Variants in JMJD1C observed in about 807,000 individuals in gnomAD.
The protein encoded by JMJD1C is jumonji domain-containing protein 1C.
JMJD1C carries 31 observed loss-of-function variants against 245.3 expected under a neutral mutation model. The observed-to-expected ratio is 0.13, with a 90% confidence interval of 0.09 to 0.17. JMJD1C has a LOEUF of 0.17. Ranked by LOEUF, JMJD1C falls within the 10% of genes least tolerant of loss-of-function variation. The pLI, the probability that JMJD1C is intolerant of heterozygous loss-of-function variation, is 1.00. For synonymous variants in JMJD1C, 1,057 were observed against 1,017.4 expected (o/e 1.04, Z -0.74); for missense variants, 2,691 against 3,000.2 (o/e 0.90, Z 2.41).
intron 1 of JMJD1C, among the ~76,000 whole-genome samples, chr10:63,461,443 G>T (rs1564944843): frequency 6.6e-6 from 1 of 152,058 alleles, no homozygotes; most frequent in Non-Finnish European, 1.5e-5. Context: ...AACTAAATAA[G>T]AAACTTAAAT....
intron 2 of JMJD1C, among the ~76,000 whole-genome samples, chr10:63,282,919 T>C (rs544066048): frequency 1.3e-5 from 2 of 152,338 alleles, no homozygotes; most frequent in South Asian, 4.1e-4. Context: ...GGTTTTACCG[T>C]GTTAGCCAAG....
At position 63,367,032 on chromosome 10, in the gene JMJD1C, A is replaced by G. The variant is rs552328827; in HGVS notation, c.333+13286T>C. On this transcript the variant is annotated intron_variant, in intron 2 of 25. Coordinates refer to ENST00000399262, the MANE Select transcript of JMJD1C (RefSeq NM_032776.3). ...TAAAGATTCATAAGACAATGGAGAA[A>G]AAGAAAGAGGAGATTCAAGAGACTA... Among the ~76,000 whole-genome samples the G allele has an allele frequency of 5.3e-5, 8 of 152,302 alleles. No individual in the cohort carries two copies. The South Asian group carries it at 1.7e-3, about 32-fold the overall frequency.
At chr10:63,194,458 A>G in intron 13 of JMJD1C, 83 bp from the exon 14 acceptor site, 1 of 930,190 alleles carries the variant, frequency 1.1e-6, no homozygotes, top group South Asian at 1.5e-5. Context: ...CGATTATATA[A>G]AATGTTTCAT....
At chr10:63,190,849 T>G (rs1844712413) in intron 17 of JMJD1C, 45 bp downstream of exon 17, 2 of 1,474,042 alleles carry the variant, frequency 1.4e-6, no homozygotes, top group African/African-American at 1.4e-5. Flanking sequence ...CCAAATCATC[T>G]CTATTTAAGG....
intron 2 of JMJD1C, among the ~76,000 whole-genome samples, chr10:63,323,531 G>A (rs1009196642): frequency 9.2e-5 from 14 of 152,038 alleles, no homozygotes; most frequent in African/African-American, 3.1e-4. Context: ...AAAAGAAAGG[G>A]GGGAAAGAAA....
At chr10:63,276,465 CAAAA>C (rs551525973) in intron 2 of JMJD1C, among the ~76,000 whole-genome samples, 2 of 93,742 alleles carry the variant, frequency 2.1e-5, no homozygotes, top group Non-Finnish European at 4.3e-5. Context: ...GATTCCGTCT[CAAAA>C]AAAAAAAAAA....
chr10:63,520,521 A>AC (rs1955178637), intron 1 of JMJD1C, among the ~76,000 whole-genome samples: 1 of 150,404 alleles, frequency 6.6e-6, no homozygotes, highest in Non-Finnish European at 1.5e-5. Context: ...AAAAAAAAAA[A>AC]CAGTTTTAAA....
At chr10:63,217,183 A>G (rs779037256) in intron 5 of JMJD1C, 24 bp downstream of exon 5, 1 of 1,589,918 alleles carries the variant, frequency 6.3e-7, no homozygotes, top group Non-Finnish European at 8.5e-7. Flanking sequence ...AAATCTCTAT[A>G]AAAATATTAG....
intron 2 of JMJD1C, 77 bp from the exon 3 acceptor site, chr10:63,264,841 CA>C: frequency 1.5e-6 from 1 of 682,230 alleles, no homozygotes; most frequent in Non-Finnish European, 2.6e-6. Flanking sequence ...CACACCAATA[CA>C]ATGTATCAAT....
intron 3 of JMJD1C, among the ~76,000 whole-genome samples, chr10:63,242,444 G>A (rs985322463): frequency 5.3e-5 from 8 of 152,086 alleles, no homozygotes; most frequent in African/African-American, 1.7e-4. Context: ...AAAGCAGGCC[G>A]GGCGTAGTGG....
At position 63,259,005 on chromosome 10, in the gene JMJD1C, C is replaced by A. The variant is rs554450824; in HGVS notation, c.447+5646G>T. ...GTACCAGGTCAAATTCTCATTCACA[C>A]TATAGAAATGTTACATTTTTAAAAC... On this transcript the variant is annotated intron_variant, in intron 3 of 25. Coordinates refer to ENST00000399262, the MANE Select transcript of JMJD1C (RefSeq NM_032776.3). 2.0e-5 allele frequency among the ~76,000 whole-genome samples: 3 copies of A among 152,248 alleles called. No individual in the cohort carries two copies. In the East Asian group the frequency reaches 5.8e-4, roughly 29 times the overall value.
intron 2 of JMJD1C, among the ~76,000 whole-genome samples, chr10:63,294,766 T>C (rs1162896874): frequency 6.6e-6 from 1 of 152,238 alleles, no homozygotes; most frequent in African/African-American, 2.4e-5. Context: ...CACAAAACTT[T>C]GGAGTTCTAG....
At chr10:63,303,471 A>G (rs1297492061) in intron 2 of JMJD1C, among the ~76,000 whole-genome samples, 1 of 152,132 alleles carries the variant, frequency 6.6e-6, no homozygotes, top group African/African-American at 2.4e-5. Context: ...ACACCCAGCT[A>G]ATTTTTGTAT....
In JMJD1C at chr10:63,206,745, T is replaced by G; in HGVS notation, c.4924A>C (p.Thr1642Pro). Residue 1642 changes from threonine to proline, a missense_variant, in exon 10 of 26, where the codon ACT (threonine) becomes CCT (proline). Physicochemically the swap from Thr to Pro is conservative, Grantham distance 38. Transcript: ENST00000399262. ...TAAGTTGGCTTAGGTTGTCTTTTAG[T>G]CCTTTGCTCTGACTTGCTTTCACTT... ...DESESKSEQR[T>P]KRQPKPTYKK... 1 of 1,613,664 alleles carries G rather than the reference T, an allele frequency of 6.2e-7. No individual in the cohort carries two copies. Among genetic ancestry groups the G allele is most frequent in the African/African-American group, 1.3e-5 (1 of 75,004 alleles).
chr10:63,174,877 G>A (rs1181225414), intron 24 of JMJD1C, among the ~76,000 whole-genome samples: 2 of 151,750 alleles, frequency 1.3e-5, no homozygotes, highest in African/African-American at 4.8e-5. Context: ...ACTGCAAGAG[G>A]GAATTTTTTC....
Position 63,206,802 on chromosome 10 carries a change from C to G in JMJD1C, c.4867G>C (p.Glu1623Gln). 2 of 1,603,756 alleles carry G rather than the reference C, an allele frequency of 1.2e-6. No individual in the cohort carries two copies. Among genetic ancestry groups the G allele is most frequent in the Non-Finnish European group, 1.7e-6 (2 of 1,177,224 alleles). ...VNRRKAKRTY[E>Q]SGSESGDSDE... The stretch of plus-strand genomic sequence containing the variant: ...GAGTCTCCACTTTCAGAGCCAGATT[C>G]ATAAGTTCTTTTGGCTTTTCTCCTG... Residue 1623 changes from glutamate to glutamine, a missense_variant, in exon 10 of 26, where the codon GAA (glutamate) becomes CAA (glutamine). Coordinates refer to ENST00000399262, the MANE Select transcript of JMJD1C (RefSeq NM_032776.3).
At chr10:63,455,222 A>G (rs1952335282) in intron 1 of JMJD1C, among the ~76,000 whole-genome samples, 1 of 152,216 alleles carries the variant, frequency 6.6e-6, no homozygotes, top group Non-Finnish European at 1.5e-5. Context: ...GTACCCAGTC[A>G]AAAAAGTTAA....
intron 1 of JMJD1C, among the ~76,000 whole-genome samples, chr10:63,449,767 G>A (rs1039778014): frequency 5.9e-5 from 9 of 152,076 alleles, no homozygotes; most frequent in Non-Finnish European, 1.2e-4. Context: ...TGCAGACTCA[G>A]TAATGAAAAG....
intron 1 of JMJD1C, among the ~76,000 whole-genome samples, chr10:63,499,691 TAAAA>T (rs1954480963): frequency 6.6e-6 from 1 of 152,122 alleles, no homozygotes; most frequent in African/African-American, 2.4e-5. Flanking sequence ...ATCAAACAAT[TAAAA>T]AACAAATTCA....
Sources: gnomAD v4.1 joint callset for allele counts (sites outside exome capture counted in the v4.1 genomes callset) on GRCh38, gnomAD v4.1.1 for gene constraint, MANE v1.5 for transcripts, NCBI Gene and HGNC (gene_info 2026-07-23, HGNC 2026-07-21) for gene names.